Variants in WWOX observed in about 807,000 individuals in gnomAD.
The protein encoded by WWOX is WW domain-containing oxidoreductase.
In WWOX, 69 loss-of-function variants were observed where a neutral mutation model predicts 46.2. The ratio of observed to expected loss-of-function variants is 1.49; its 90% CI spans 1.23 to 1.82. The LOEUF (loss-of-function observed/expected upper bound fraction) is 1.82. Ranked by LOEUF, WWOX falls within the 40% of genes most tolerant of loss-of-function variation. WWOX has a pLI of 0.00. For synonymous variants in WWOX, 359 were observed against 202.6 expected (o/e 1.77, Z -6.56); for missense variants, 919 against 542.6 (o/e 1.69, Z -6.89).
rs78105313 is a variant in WWOX at position 78,800,753 on chromosome 16, C to G, written c.1056+368001C>G. On this transcript the variant is annotated intron_variant, in intron 8 of 8. Transcript: ENST00000566780. ...TCTAAAATCCCAAATGCATTCTTAG[C>G]TAAGGTCAGTGTGTCTGGGTCTGTG... Among the ~76,000 whole-genome samples, 1,513 of 152,260 alleles carry G rather than the reference C, an allele frequency of 9.9e-3. 25 individuals carry two copies. Among genetic ancestry groups the G allele is most frequent in the African/African-American group, 0.034 (1,430 of 41,542 alleles).
chr16:78,757,555 C>G (rs1034127496), intron 8 of WWOX, among the ~76,000 whole-genome samples: 2 of 152,116 alleles, frequency 1.3e-5, no homozygotes, highest in African/African-American at 4.8e-5. Flanking sequence ...ACCCAGTTAA[C>G]TCTTCTATAA....
intron 8 of WWOX, among the ~76,000 whole-genome samples, chr16:78,789,599 C>T (rs576924870): frequency 1.1e-4 from 16 of 152,196 alleles, no homozygotes; most frequent in Non-Finnish European, 1.6e-4. Context: ...CAACTTTGTT[C>T]TTCATTTTCA....
chr16:78,329,223 G>A (rs1245147324), intron 5 of WWOX, among the ~76,000 whole-genome samples: 3 of 152,208 alleles, frequency 2.0e-5, no homozygotes, highest in African/African-American at 4.8e-5. Context: ...CCATGGTATC[G>A]GTGGACTGAA....
intron 8 of WWOX, among the ~76,000 whole-genome samples, chr16:78,723,914 A>T (rs1199254271): frequency 3.3e-5 from 5 of 152,102 alleles, no homozygotes; most frequent in African/African-American, 7.2e-5. Context: ...TCTAGTTTGG[A>T]TTATTTGAGG....
At chr16:79,070,672 A>C (rs565360967) in intron 8 of WWOX, among the ~76,000 whole-genome samples, 1 of 152,332 alleles carries the variant, frequency 6.6e-6, no homozygotes, top group South Asian at 2.1e-4. Context: ...GAGAGATGTC[A>C]ACAATCCAGG....
intron 8 of WWOX, chr16:78,898,774 C>CT (rs2044758760): frequency 6.6e-6 from 1 of 151,922 alleles, no homozygotes; most frequent in Non-Finnish European, 1.5e-5. Context: ...TTTAAGGCTT[C>CT]TTTATTTATA....
At chr16:78,963,720 C>T (rs546803826) in intron 8 of WWOX, among the ~76,000 whole-genome samples, 1 of 152,168 alleles carries the variant, frequency 6.6e-6, no homozygotes, top group African/African-American at 2.4e-5. Context: ...AACACACAGA[C>T]ACATATTGTT....
intron 8 of WWOX, among the ~76,000 whole-genome samples, chr16:78,676,055 G>C (rs1466291808): frequency 6.6e-6 from 1 of 152,094 alleles, no homozygotes; most frequent in East Asian, 1.9e-4. Flanking sequence ...GCTTGTTTAA[G>C]AATCTCAGAG....
intron 8 of WWOX, among the ~76,000 whole-genome samples, chr16:79,160,291 G>A (rs748027990): frequency 1.6e-4 from 25 of 152,176 alleles, no homozygotes; most frequent in Non-Finnish European, 2.6e-4. Context: ...TATTTCGTGA[G>A]AAAGAAGGAA....
At chr16:78,222,102 T>C (rs1456281647) in intron 5 of WWOX, among the ~76,000 whole-genome samples, 1 of 152,158 alleles carries the variant, frequency 6.6e-6, no homozygotes, top group African/African-American at 2.4e-5. Flanking sequence ...ATATGGAGGA[T>C]GTTTGAAAAC....
chr16:79,196,017 G>C (rs1329904727), intron 8 of WWOX, among the ~76,000 whole-genome samples: 1 of 152,184 alleles, frequency 6.6e-6, no homozygotes, highest in Non-Finnish European at 1.5e-5. Context: ...CTAATTTCTA[G>C]TACTGACGCT....
At chr16:78,552,658 G>A (rs982247420) in intron 8 of WWOX, 3 of 152,236 alleles carry the variant, frequency 2.0e-5, no homozygotes, top group Middle Eastern at 6.3e-3. Flanking sequence ...CCGAGTAGAA[G>A]AGGACTTCTG....
intron 5 of WWOX, among the ~76,000 whole-genome samples, chr16:78,353,490 C>T: frequency 6.6e-6 from 1 of 152,194 alleles, no homozygotes. Context: ...CAATACGTAG[C>T]ACCTTTCTGT....
intron 8 of WWOX, among the ~76,000 whole-genome samples, chr16:78,778,851 C>G (rs534081037): frequency 1.3e-5 from 2 of 152,176 alleles, no homozygotes; most frequent in African/African-American, 2.4e-5. Context: ...GCGTCTCCTC[C>G]TAGAAGAAAC....
At chr16:79,096,150 G>A (rs1471448739) in intron 8 of WWOX, among the ~76,000 whole-genome samples, 1 of 150,992 alleles carries the variant, frequency 6.6e-6, no homozygotes, top group Non-Finnish European at 1.5e-5. Flanking sequence ...TTACAGGCAT[G>A]AGCCACAGAG....
At chr16:78,636,043 CG>C (rs1444300858) in intron 8 of WWOX, among the ~76,000 whole-genome samples, 1 of 152,128 alleles carries the variant, frequency 6.6e-6, no homozygotes, top group Non-Finnish European at 1.5e-5. Flanking sequence ...ATGCTCGCTG[CG>C]GAACACTGCC....
At chr16:79,169,682 A>C (rs1394512985) in intron 8 of WWOX, among the ~76,000 whole-genome samples, 1 of 152,274 alleles carries the variant, frequency 6.6e-6, no homozygotes, top group East Asian at 1.9e-4. Context: ...TCCAAGACAA[A>C]TTGCAGTTTA....
chr16:78,680,207 C>T (rs1276357048), intron 8 of WWOX, among the ~76,000 whole-genome samples: 9 of 152,004 alleles, frequency 5.9e-5, no homozygotes, highest in Non-Finnish European at 1.3e-4. Flanking sequence ...CCCAGGAGTT[C>T]GAGACCAGCC....
intron 8 of WWOX, among the ~76,000 whole-genome samples, chr16:78,672,129 C>T (rs2047479304): frequency 6.6e-6 from 1 of 152,178 alleles, no homozygotes; most frequent in Non-Finnish European, 1.5e-5. Context: ...ACCGGCAGGG[C>T]AGCAAATACC....
Sources: gnomAD v4.1 joint callset for allele counts (sites outside exome capture counted in the v4.1 genomes callset) on GRCh38, gnomAD v4.1.1 for gene constraint, MANE v1.5 for transcripts, NCBI Gene and HGNC (gene_info 2026-07-23, HGNC 2026-07-21) for gene names.